PITPNM2: variants seen among roughly 807,000 people sequenced by gnomAD.
The protein encoded by PITPNM2 is membrane-associated phosphatidylinositol transfer protein 2.
In PITPNM2, 35 loss-of-function variants were observed where a neutral mutation model predicts 132.2. The ratio of observed to expected loss-of-function variants is 0.26; its 90% CI spans 0.20 to 0.35. The LOEUF (loss-of-function observed/expected upper bound fraction) is 0.35. PITPNM2 is among the 10% of genes least tolerant of loss of function. The probability of loss-of-function intolerance (pLI) is 1.00; values close to 1 mark genes in which losing one functional copy is unlikely to be tolerated. For synonymous variants in PITPNM2, 738 were observed against 799.2 expected, an observed-to-expected ratio of 0.92 and a Z score of 1.29; for missense variants, 1,332 against 1,912.0, an observed-to-expected ratio of 0.70 and a Z score of 5.66.
intron 11 of PITPNM2, among the ~76,000 whole-genome samples, 178 bp from the exon 12 acceptor site, chr12:122,997,088 G>A (rs1469994643): frequency 6.6e-6 from 1 of 152,212 alleles, no homozygotes; most frequent in Non-Finnish European, 1.5e-5. Flanking sequence ...CTCAGAGGCA[G>A]GCCAATATCC....
intron 1 of PITPNM2, among the ~76,000 whole-genome samples, chr12:123,139,500 C>CAA (rs549346988): frequency 6.8e-5 from 7 of 102,584 alleles, no homozygotes; most frequent in Admixed American, 1.1e-4. Flanking sequence ...GATTACCTCT[C>CAA]AAAAAAAAAA....
upstream of PITPNM2, among the ~76,000 whole-genome samples, chr12:123,151,284 C>G (rs1264256033): frequency 3.3e-5 from 5 of 151,430 alleles, no homozygotes; most frequent in South Asian, 2.1e-4. Context: ...GCGGCGACCC[C>G]GCTCCTCCCC....
chr12:123,073,157 G>A (rs763168529), intron 2 of PITPNM2, among the ~76,000 whole-genome samples: 2 of 152,172 alleles, frequency 1.3e-5, no homozygotes, highest in Non-Finnish European at 2.9e-5. Context: ...TGTTACATCG[G>A]TATACTTTCA....
At chr12:123,138,553 T>A (rs2043433088) in intron 1 of PITPNM2, among the ~76,000 whole-genome samples, 1 of 152,210 alleles carries the variant, frequency 6.6e-6, no homozygotes, top group Non-Finnish European at 1.5e-5. Flanking sequence ...AACACTATGT[T>A]ATGTGAAAGA....
At chr12:123,034,722 T>C in intron 2 of PITPNM2, 37 bp from the exon 3 acceptor site, 1 of 748,060 alleles carries the variant, frequency 1.3e-6, no homozygotes, top group South Asian at 1.6e-5. Context: ...ACAGTCACTT[T>C]CTGCAAAGGC....
Position 122,985,879 on chromosome 12 carries a change from G to T in PITPNM2, c.*148C>A. 1.4e-6 allele frequency: 1 copy of T among 725,756 alleles called. No homozygotes were observed. 45.0% of individuals were successfully genotyped at this position (725,756 alleles called of 1,614,324 possible). A position where few individuals can be genotyped will look rare whatever the true frequency, so the allele number is the denominator to read the frequency against. ...CCGAGGACGTGAGGCAGGGCAGGGA[G>T]CACTGTGTGGTGCGGCCCGTGTCCT... On this transcript the variant is annotated 3_prime_UTR_variant, in exon 26 of 26. Transcript: ENST00000320201.
At chr12:123,027,912 G>A (rs1159412444) in intron 3 of PITPNM2, among the ~76,000 whole-genome samples, 2 of 152,214 alleles carry the variant, frequency 1.3e-5, no homozygotes, top group Non-Finnish European at 2.9e-5. Flanking sequence ...ACTCAGTCAT[G>A]CCACTTAGGA....
intron 2 of PITPNM2, among the ~76,000 whole-genome samples, chr12:123,104,448 A>G (rs974459935): frequency 3.9e-5 from 6 of 152,154 alleles, no homozygotes; most frequent in Admixed American, 3.9e-4. Flanking sequence ...CAAAAGAAGT[A>G]TAAATGGCCG....
chr12:123,149,478 C>T (rs974993070), intron 1 of PITPNM2, among the ~76,000 whole-genome samples: 11 of 152,110 alleles, frequency 7.2e-5, no homozygotes, highest in Admixed American at 3.3e-4. Context: ...AGCAACAGTC[C>T]AGGAATCAGA....
intron 2 of PITPNM2, among the ~76,000 whole-genome samples, chr12:123,068,239 G>A (rs1326614905): frequency 2.0e-5 from 3 of 152,048 alleles, no homozygotes; most frequent in Non-Finnish European, 4.4e-5. Context: ...AGGCCAAGGT[G>A]GGCGGATCAC....
At chr12:122,996,357 A>C in intron 13 of PITPNM2, 101 bp downstream of exon 13, 1 of 1,494,434 alleles carries the variant, frequency 6.7e-7, no homozygotes, top group Non-Finnish European at 9.0e-7. Flanking sequence ...TGCTTGGTGG[A>C]CACAGCCTGG....
chr12:123,011,526 G>T (rs889678604), intron 5 of PITPNM2, among the ~76,000 whole-genome samples: 1 of 152,184 alleles, frequency 6.6e-6, no homozygotes, highest in African/African-American at 2.4e-5. Flanking sequence ...CTACGCTGAC[G>T]TACTGAACAC....
At chr12:123,087,114 A>G (rs975325109) in intron 2 of PITPNM2, 1 of 152,242 alleles carries the variant, frequency 6.6e-6, no homozygotes, top group African/African-American at 2.4e-5. Flanking sequence ...TAGAGACCCA[A>G]ATCCTTCCAG....
chr12:122,995,224 G>A (rs1025908843), intron 14 of PITPNM2, among the ~76,000 whole-genome samples, 165 bp downstream of exon 14: 7 of 152,198 alleles, frequency 4.6e-5, no homozygotes, highest in African/African-American at 1.7e-4. Context: ...AAGGCATCCA[G>A]TAAGCCACTT....
In PITPNM2 at chr12:123,023,851, C is replaced by A. The variant is rs1031819162; in HGVS notation, c.79-9809G>T. ...AAAAAGAAAGTGAAAAAACAACGTA[C>A]AAAATGGGAGAGAATTTTTATATAC... is the stretch of plus-strand genomic sequence containing the variant. On this transcript the variant is annotated intron_variant, in intron 3 of 25. Transcript: ENST00000320201. This position sits in a 1 kb window ranked among gnomAD's most constrained non-coding sequence, Gnocchi z 4.8. 3.9e-5 allele frequency among the ~76,000 whole-genome samples: 6 copies of A among 152,104 alleles called. No individual in the cohort carries two copies. Among genetic ancestry groups the A allele is most frequent in the African/African-American group, 1.4e-4 (6 of 41,418 alleles).
intron 3 of PITPNM2, among the ~76,000 whole-genome samples, chr12:123,018,652 T>C (rs2039542771): frequency 1.3e-5 from 2 of 152,126 alleles, no homozygotes. Context: ...TCTCACTATG[T>C]TGCCCAGGCT....
chr12:123,106,622 G>A lies in PITPNM2; in HGVS notation c.-96+3763C>T, dbSNP rs1272402155. On this transcript the variant is annotated intron_variant, in intron 2 of 25. Coordinates refer to ENST00000320201, the MANE Select transcript of PITPNM2 (RefSeq NM_020845.3). This position sits in a 1 kb window ranked among gnomAD's most constrained non-coding sequence, Gnocchi z 4.4. ...CCATATCAATAAACAAAATGTAGATGGGAGCAGTCAGGAGGGGCACAGGTG... is the reference window on the plus strand; with the variant it reads ...CCATATCAATAAACAAAATGTAGATAGGAGCAGTCAGGAGGGGCACAGGTG... Among the ~76,000 whole-genome samples, 1 of 152,186 alleles carries A rather than the reference G, an allele frequency of 6.6e-6. No homozygotes were observed. Among genetic ancestry groups the A allele is most frequent in the Non-Finnish European group, 1.5e-5 (1 of 68,036 alleles).
intron 3 of PITPNM2, among the ~76,000 whole-genome samples, chr12:123,032,840 T>C (rs1592960220): frequency 6.6e-6 from 1 of 152,192 alleles, no homozygotes; most frequent in Admixed American, 6.5e-5. Flanking sequence ...AAGAGGGAAT[T>C]GAGTGGTCCT....
intron 1 of PITPNM2, among the ~76,000 whole-genome samples, chr12:123,146,443 A>C (rs1382428138): frequency 6.6e-6 from 1 of 151,754 alleles, no homozygotes; most frequent in Non-Finnish European, 1.5e-5. Context: ...AAAATACAAA[A>C]ATTAGCCCGG....
Sources: gnomAD v4.1 joint callset for allele counts (sites outside exome capture counted in the v4.1 genomes callset) on GRCh38, gnomAD v4.1.1 for gene constraint, Gnocchi (gnomAD v3.1) non-coding constraint, MANE v1.5 for transcripts, NCBI Gene and HGNC (gene_info 2026-07-23, HGNC 2026-07-21) for gene names.